FRMPD4: variants seen among roughly 807,000 people sequenced by gnomAD.
FRMPD4 encodes FERM and PDZ domain containing 4.
FRMPD4 carries 22 observed loss-of-function variants against 94.1 expected under a neutral mutation model. The ratio of observed to expected loss-of-function variants is 0.23; its 90% CI spans 0.17 to 0.33. FRMPD4 has a LOEUF of 0.33. Among genes scored for constraint, FRMPD4 ranks in the 10% least tolerant of loss-of-function variants. The pLI, the probability that FRMPD4 is intolerant of heterozygous loss-of-function variation, is 1.00. For missense variants in FRMPD4, 1,111 were observed against 1,339.9 expected, an observed-to-expected ratio of 0.83 and a Z score of 2.67; for synonymous variants, 631 against 548.6, an observed-to-expected ratio of 1.15 and a Z score of -2.10.
At chrX:12,501,900 A>G (rs1404189601) in intron 2 of FRMPD4, among the ~76,000 whole-genome samples, 2 of 111,816 alleles carry the variant, frequency 1.8e-5, no homozygotes, top group Non-Finnish European at 3.8e-5. Flanking sequence ...TCCATACCCA[A>G]TTATTTAGGG....
At chrX:12,213,940 A>G (rs1186461583) in intron 1 of FRMPD4, among the ~76,000 whole-genome samples, 1 of 112,028 alleles carries the variant, frequency 8.9e-6, no homozygotes, top group Non-Finnish European at 1.9e-5. Context: ...TATTTGACTT[A>G]CCTTTGGGCC....
chrX:12,047,080 G>A (rs1008253930), intron 3 of FRMPD4, among the ~76,000 whole-genome samples: 3 of 108,035 alleles, frequency 2.8e-5, no homozygotes, highest in Non-Finnish European at 5.8e-5. Flanking sequence ...TTTATACATG[G>A]TTATATATAT....
chrX:12,439,558 G>A (rs777586103), intron 1 of FRMPD4, among the ~76,000 whole-genome samples: 5 of 111,710 alleles, frequency 4.5e-5, no homozygotes, highest in Admixed American at 9.5e-5. Flanking sequence ...GCAAGAGCCC[G>A]TGGTGTTGTG....
intron 3 of FRMPD4, among the ~76,000 whole-genome samples, chrX:12,084,177 T>TTG (rs1555921467): frequency 1.9e-5 from 1 of 53,874 alleles, no homozygotes; most frequent in Non-Finnish European, 3.3e-5. Flanking sequence ...AGGGACCCAG[T>TTG]GGGGGGGGGG....
chrX:11,848,189 T>C (rs1192780937), intron 1 of FRMPD4, among the ~76,000 whole-genome samples: 1 of 111,251 alleles, frequency 9.0e-6, no homozygotes, highest in Non-Finnish European at 1.9e-5. Context: ...AGAGAGTTTC[T>C]GTGTTTGCTG....
At chrX:12,178,506 G>T (rs765750430) in intron 1 of FRMPD4, among the ~76,000 whole-genome samples, 23 of 106,236 alleles carry the variant, frequency 2.2e-4, no homozygotes, top group Middle Eastern at 4.8e-3. Context: ...GCGATTGGGT[G>T]GCTCTTGCTT....
intron 3 of FRMPD4, among the ~76,000 whole-genome samples, chrX:12,110,516 G>A (rs745596366): frequency 8.9e-6 from 1 of 111,784 alleles, no homozygotes. Flanking sequence ...GCACAAGACA[G>A]GGATGCCCTC....
intron 1 of FRMPD4, among the ~76,000 whole-genome samples, chrX:11,824,608 A>G (rs1316239932): frequency 1.8e-5 from 2 of 111,931 alleles, no homozygotes; most frequent in Non-Finnish European, 1.9e-5. Flanking sequence ...GACAATCACT[A>G]TTTTAGGCTG....
intron 1 of FRMPD4, among the ~76,000 whole-genome samples, chrX:11,852,269 C>A (rs910101586): frequency 2.8e-5 from 3 of 108,674 alleles, no homozygotes; most frequent in Non-Finnish European, 5.7e-5. Flanking sequence ...GAGCAGCAGG[C>A]TTTCTGAGTA....
At chrX:12,538,611 C>T (rs2148303323) in intron 2 of FRMPD4, among the ~76,000 whole-genome samples, 1 of 111,753 alleles carries the variant, frequency 8.9e-6, no homozygotes, top group African/African-American at 3.3e-5. Flanking sequence ...CGGCCGGGTA[C>T]CCCTCTGAGA....
intron 8 of FRMPD4, among the ~76,000 whole-genome samples, chrX:12,690,702 A>T (rs2060071735): frequency 8.9e-6 from 1 of 112,134 alleles, no homozygotes; most frequent in Non-Finnish European, 1.9e-5. Context: ...ATCCAAAATC[A>T]TATTTAGTTG....
chrX:12,675,336 T>C (rs1047657675), intron 5 of FRMPD4, among the ~76,000 whole-genome samples: 4 of 110,723 alleles, frequency 3.6e-5, no homozygotes, highest in Non-Finnish European at 5.7e-5. Flanking sequence ...GAATAGATGT[T>C]ATATGACATA....
intron 8 of FRMPD4, among the ~76,000 whole-genome samples, chrX:12,690,898 A>T (rs780009361): frequency 1.6e-4 from 18 of 111,767 alleles, no homozygotes; most frequent in African/African-American, 5.9e-4. Flanking sequence ...CAGCACCCTG[A>T]TTTTTCTTGT....
intron 2 of FRMPD4, among the ~76,000 whole-genome samples, chrX:12,549,732 G>C (rs1472128096): frequency 2.7e-5 from 3 of 111,996 alleles, no homozygotes; most frequent in African/African-American, 9.7e-5. Flanking sequence ...GTGTTTTGCT[G>C]GACACTAGTC....
rs1201693595 is a variant in FRMPD4, at chrX:12,710,399, C to T, written c.1471C>T (p.Pro491Ser). The change falls in exon 14 of 17, where the codon CCT (proline) becomes TCT (serine). Residue 491 changes from proline to serine, a missense_variant and splice_region_variant. Physicochemically the swap from Pro to Ser is moderately conservative, Grantham distance 74. Coordinates refer to ENST00000675598, the MANE Select transcript of FRMPD4 (RefSeq NM_001368397.1). ...AACCAAAGTGTTCTCTTTTGTGTAG[C>T]CTATCACGCTTCTGATGGAATCCTC... ...RVELHVLDVK[P>S]ITLLMESSDA... is the part of the protein sequence containing the mutation. 3 of 1,201,414 alleles carry T rather than the reference C, an allele frequency of 2.5e-6. No individual in the cohort carries two copies. Among genetic ancestry groups the T allele is most frequent in the South Asian group, 3.6e-5 (2 of 56,121 alleles).
At chrX:12,570,037 T>C (rs2058747143) in intron 2 of FRMPD4, among the ~76,000 whole-genome samples, 2 of 112,333 alleles carry the variant, frequency 1.8e-5, no homozygotes, top group Admixed American at 1.9e-4. Flanking sequence ...TTTGAGTGTT[T>C]GCCTTATATT....
chrX:12,517,742 G>A lies in FRMPD4; in HGVS notation c.158+18946G>A, dbSNP rs976023463. ...CTGGCTGCCCCTTGGCAGAGGGGGT[G>A]TGCCGCACTGGGGGGATTCACACTA... On this transcript the variant is annotated intron_variant, in intron 2 of 16. Transcript: ENST00000675598. Among the ~76,000 whole-genome samples, 3 of 112,569 alleles carry A rather than the reference G, an allele frequency of 2.7e-5. No homozygotes were observed. The East Asian group carries it at 8.4e-4, about 32-fold the overall frequency.
chrX:12,359,294 T>C (rs2055944242), intron 1 of FRMPD4, among the ~76,000 whole-genome samples: 1 of 111,592 alleles, frequency 9.0e-6, no homozygotes, highest in African/African-American at 3.3e-5. Flanking sequence ...TACATAAAAT[T>C]AATGTTTTCT....
intron 1 of FRMPD4, among the ~76,000 whole-genome samples, chrX:12,140,987 CTTTTTCTTTAG>C (rs1250761703): frequency 1.8e-5 from 2 of 111,823 alleles, no homozygotes; most frequent in Non-Finnish European, 3.8e-5. Flanking sequence ...TAGAATTCTT[CTTTTTCTTTAG>C]TGTGAGCCCG....
Sources: allele counts gnomAD v4.1 joint callset (sites outside exome capture counted in the v4.1 genomes callset), GRCh38; gene constraint gnomAD v4.1.1; transcripts MANE v1.5; gene names NCBI Gene and HGNC (gene_info 2026-07-23, HGNC 2026-07-21).